TIAM1: variants seen among roughly 807,000 people sequenced by gnomAD.
The protein encoded by TIAM1 is TIAM Rac1 associated GEF 1.
A neutral mutation model predicts 163.5 loss-of-function variants in TIAM1; 65 were observed. The observed-to-expected ratio is 0.40, with a 90% CI of 0.33 to 0.49. TIAM1 has a LOEUF of 0.49. TIAM1 is among the 20% of genes least tolerant of loss of function. TIAM1 has a pLI of 0.77. For synonymous variants in TIAM1, 833 were observed against 810.1 expected, an observed-to-expected ratio of 1.03 and a Z score of -0.48; for missense variants, 1,789 against 2,044.7, an observed-to-expected ratio of 0.87 and a Z score of 2.41.
intron 13 of TIAM1, among the ~76,000 whole-genome samples, chr21:31,188,561 G>C (rs565143139): frequency 1.3e-5 from 2 of 152,202 alleles, no homozygotes; most frequent in African/African-American, 4.8e-5. Context: ...ACTACATTCT[G>C]AGACCAATTT....
chr21:31,260,299 G>A (rs916403343), intron 4 of TIAM1, among the ~76,000 whole-genome samples: 3 of 150,028 alleles, frequency 2.0e-5, no homozygotes, highest in Middle Eastern at 3.5e-3. Flanking sequence ...ATGCAGTGGT[G>A]CAATCTCGGC....
At chr21:31,343,903 G>A (rs1020484540) in intron 1 of TIAM1, among the ~76,000 whole-genome samples, 1 of 152,176 alleles carries the variant, frequency 6.6e-6, no homozygotes, top group African/African-American at 2.4e-5. Context: ...CAGCGTCGCC[G>A]CCGTCCCCTG....
intron 16 of TIAM1, chr21:31,161,035 TTGTGTGTG>T (rs10582770): frequency 0.017 from 2,506 of 143,428 alleles, 51 homozygotes; most frequent in African/African-American, 0.052. Flanking sequence ...CTAAGAAAAG[TTGTGTGTG>T]TGTGTGTGTG....
chr21:31,369,399 G>A (rs980610062), intron 2 of TIAM1, among the ~76,000 whole-genome samples: 1 of 150,470 alleles, frequency 6.6e-6, no homozygotes, highest in Non-Finnish European at 1.5e-5. Flanking sequence ...AATATTAGAT[G>A]GTGGGAAGGG....
rs1241842798 is a variant in TIAM1 at position 31,265,645 on chromosome 21, C to T, written c.963+365G>A. ...AAATAAGTTCCAAGAGTCTGCAACC[C>T]ACCATGCCTGTTTTTCCACGGGAAG... On this transcript the variant is annotated intron_variant, in intron 4 of 27. Coordinates refer to ENST00000541036, the MANE Select transcript of TIAM1 (RefSeq NM_001353694.2). Among the ~76,000 whole-genome samples, 7 of 152,248 alleles carry T rather than the reference C, an allele frequency of 4.6e-5. No individual in the cohort carries two copies. The South Asian group carries it at 1.0e-3, about 23-fold the overall frequency.
intron 2 of TIAM1, among the ~76,000 whole-genome samples, chr21:31,306,083 C>A (rs1217687948): frequency 6.6e-6 from 1 of 151,532 alleles, no homozygotes; most frequent in Admixed American, 6.6e-5. Context: ...AAATAAATAA[C>A]AGAATGGCCT....
intron 2 of TIAM1, among the ~76,000 whole-genome samples, chr21:31,329,527 T>G (rs1043308134): frequency 6.7e-6 from 1 of 149,998 alleles, no homozygotes; most frequent in Non-Finnish European, 1.5e-5. Context: ...GTAACCACCC[T>G]TGATGCAGGA....
intron 2 of TIAM1, among the ~76,000 whole-genome samples, chr21:31,321,149 G>T (rs534328791): frequency 2.0e-5 from 3 of 150,632 alleles, no homozygotes; most frequent in African/African-American, 7.5e-5. Flanking sequence ...GAAGGGGGCG[G>T]GGGGGGATGA....
At chr21:31,398,419 T>G (rs1057115552) in intron 2 of TIAM1, among the ~76,000 whole-genome samples, 28 of 152,290 alleles carry the variant, frequency 1.8e-4, no homozygotes, top group Admixed American at 1.8e-3. Flanking sequence ...GTCAAAAATT[T>G]TTTCTTAAAT....
chr21:31,202,537 T>C (rs1056669173), intron 12 of TIAM1, among the ~76,000 whole-genome samples: 10 of 152,184 alleles, frequency 6.6e-5, no homozygotes, highest in Admixed American at 5.9e-4. Flanking sequence ...CTGTACTCCA[T>C]CCAGCCTCGG....
At chr21:31,144,187 C>T (rs1015757147) in intron 20 of TIAM1, among the ~76,000 whole-genome samples, 2 of 152,224 alleles carry the variant, frequency 1.3e-5, no homozygotes, top group Non-Finnish European at 2.9e-5. Context: ...AGAAAGGACA[C>T]TGGGAAGAGT....
intron 1 of TIAM1, among the ~76,000 whole-genome samples, chr21:31,498,838 T>G (rs1238025767): frequency 6.6e-6 from 1 of 151,820 alleles, no homozygotes; most frequent in African/African-American, 2.4e-5. Flanking sequence ...CCCAGCTACT[T>G]GGGAGGCTGA....
At chr21:31,197,739 C>T (rs779924276) in intron 12 of TIAM1, among the ~76,000 whole-genome samples, 9 of 152,140 alleles carry the variant, frequency 5.9e-5, no homozygotes, top group African/African-American at 1.9e-4. Context: ...CCATGTGTCA[C>T]GCCTCTCACG....
chr21:31,240,003 A>T lies in TIAM1; in HGVS notation c.1584+5485T>A, dbSNP rs989828559. On this transcript the variant is annotated intron_variant, in intron 6 of 27. Coordinates refer to ENST00000541036, the MANE Select transcript of TIAM1 (RefSeq NM_001353694.2). ...TGTTTGTCCAACAGAAATGTGGACAAACATAACCTGAGAACAGGTACAAGA... is the reference window on the plus strand; with the variant it reads ...TGTTTGTCCAACAGAAATGTGGACATACATAACCTGAGAACAGGTACAAGA... Among the ~76,000 whole-genome samples the T allele has an allele frequency of 3.3e-5, 5 of 152,176 alleles. No individual in the cohort carries two copies. The East Asian group carries it at 9.6e-4, about 29-fold the overall frequency.
Position 31,124,624 on chromosome 21 carries a change from G to A in TIAM1, c.4204C>T (p.Leu1402Phe). The A allele has an allele frequency of 6.2e-7, 1 of 1,613,756 alleles. No homozygotes were observed. Among genetic ancestry groups the A allele is most frequent in the Non-Finnish European group, 8.5e-7 (1 of 1,179,828 alleles). ...SILRDKHRRQ[L>F]LKTESLPSSQ... ...GAGGGAAGGCTCTCGGTTTTGAGGA[G>A]CTGTCTTCTGTGCTTATCACGCAGG... The change falls in exon 27 of 28, where the codon CTC (leucine) becomes TTC (phenylalanine). Residue 1402 changes from leucine (L) to phenylalanine (F), a missense_variant. By Grantham distance (22) the Leu-to-Phe change is conservative. This residue lies in a region of TIAM1 where 415 missense variants were observed against 439.2 expected (regional missense o/e 0.94). Coordinates refer to ENST00000541036, the MANE Select transcript of TIAM1 (RefSeq NM_001353694.2).
intron 2 of TIAM1, among the ~76,000 whole-genome samples, chr21:31,410,313 T>C (rs2077328189): frequency 6.6e-6 from 1 of 151,408 alleles, no homozygotes; most frequent in Non-Finnish European, 1.5e-5. Flanking sequence ...TGAGACAGTG[T>C]GTGTGTGAGT....
intron 4 of TIAM1, 83 bp from the exon 5 acceptor site, chr21:31,252,272 C>G: frequency 1.1e-5 from 16 of 1,399,682 alleles, no homozygotes; most frequent in Non-Finnish European, 1.5e-5. Flanking sequence ...AGCCCTGGGT[C>G]CAGCCAGGGC....
At position 31,191,751 on chromosome 21, in the gene TIAM1, G is replaced by A. The variant is rs528851538; in HGVS notation, c.2575+3473C>T. Among the ~76,000 whole-genome samples the A allele has an allele frequency of 5.7e-4, 87 of 152,316 alleles. 2 individuals are homozygous for A. Among genetic ancestry groups the A allele is most frequent in the South Asian group, 3.5e-3 (17 of 4,816 alleles). Reference sequence around the variant, plus strand: ...GTCATACCCTCCTCAGGGGGTAAAAGTAAATGGGTTCTGTGAGTAATTCAG... The same window carrying A: ...GTCATACCCTCCTCAGGGGGTAAAAATAAATGGGTTCTGTGAGTAATTCAG... On this transcript the variant is annotated intron_variant, in intron 13 of 27. Transcript: ENST00000541036.
intron 6 of TIAM1, among the ~76,000 whole-genome samples, chr21:31,233,577 T>C (rs1340673095): frequency 6.6e-6 from 1 of 152,146 alleles, no homozygotes; most frequent in Non-Finnish European, 1.5e-5. Context: ...TGGTGGTGCA[T>C]GCCTGTAAAC....
Sources: gnomAD v4.1 joint callset for allele counts (sites outside exome capture counted in the v4.1 genomes callset) on GRCh38, gnomAD v4.1.1 for gene constraint, gnomAD v4.1.1 regional missense constraint, MANE v1.5 for transcripts, NCBI Gene and HGNC (gene_info 2026-07-23, HGNC 2026-07-21) for gene names.